NTM: variants seen among roughly 807,000 people sequenced by gnomAD.
The protein encoded by NTM is IgLON family member 2.
NTM carries 13 observed loss-of-function variants against 42.1 expected under a neutral mutation model. That is an observed-to-expected ratio of 0.31 (90% confidence interval 0.20 to 0.49). The LOEUF is 0.49. Ranked by LOEUF, NTM falls within the 20% of genes least tolerant of loss-of-function variation. NTM has a pLI of 0.99. For missense variants in NTM, 373 were observed against 452.8 expected (o/e 0.82, Z 1.60); for synonymous variants, 187 against 179.2 (o/e 1.04, Z -0.35).
intron 2 of NTM, among the ~76,000 whole-genome samples, chr11:132,008,866 C>CT (rs538607736): frequency 0.055 from 7,540 of 137,624 alleles, 251 homozygotes; most frequent in Non-Finnish European, 0.08. Context: ...TCCTTGTTTT[C>CT]TTTTTTTTTT....
intron 1 of NTM, among the ~76,000 whole-genome samples, chr11:131,378,698 T>A (rs1942276312): frequency 2.6e-5 from 4 of 152,202 alleles, no homozygotes; most frequent in East Asian, 3.9e-4. Context: ...TGATTGAGGG[T>A]CAAAAAGGAA....
intron 1 of NTM, among the ~76,000 whole-genome samples, chr11:131,637,008 G>C (rs2064484872): frequency 6.6e-6 from 1 of 152,100 alleles, no homozygotes; most frequent in Non-Finnish European, 1.5e-5. Flanking sequence ...TGCCCTTAAA[G>C]CTGGTTCTTT....
At chr11:131,968,892 G>A (rs1041376014) in intron 2 of NTM, among the ~76,000 whole-genome samples, 4 of 151,898 alleles carry the variant, frequency 2.6e-5, no homozygotes, top group African/African-American at 9.7e-5. Flanking sequence ...CTGCACTTTG[G>A]GCCAACTGAA....
intron 8 of NTM, 45 bp from the exon 9 acceptor site, chr11:132,335,001 C>A: frequency 6.3e-7 from 1 of 1,594,948 alleles, no homozygotes. Flanking sequence ...GGCTTTCCTT[C>A]CATTTTCTCC....
intron 1 of NTM, among the ~76,000 whole-genome samples, chr11:131,658,917 A>G (rs957399429): frequency 3.9e-5 from 6 of 152,186 alleles, no homozygotes; most frequent in African/African-American, 1.4e-4. Context: ...GTTGGCAGTG[A>G]GCTGATATCG....
chr11:132,060,131 A>G (rs1005093314), intron 2 of NTM, among the ~76,000 whole-genome samples: 7 of 152,228 alleles, frequency 4.6e-5, no homozygotes, highest in African/African-American at 1.7e-4. Flanking sequence ...TCTTCAGGCC[A>G]AAACCCAGGC....
At chr11:131,937,753 A>G (rs185306339) in intron 2 of NTM, among the ~76,000 whole-genome samples, 47 of 152,326 alleles carry the variant, frequency 3.1e-4, no homozygotes, top group African/African-American at 1.1e-3. Context: ...AGAAATTTAC[A>G]TAGTTTTCCA....
intron 1 of NTM, among the ~76,000 whole-genome samples, chr11:131,476,828 G>A (rs1434827601): frequency 6.7e-6 from 1 of 148,948 alleles, no homozygotes; most frequent in Non-Finnish European, 1.5e-5. Flanking sequence ...TATCTCAGGG[G>A]CTAAATACTA....
chr11:131,589,297 C>T (rs1012746477), intron 1 of NTM, among the ~76,000 whole-genome samples: 1 of 151,860 alleles, frequency 6.6e-6, no homozygotes, highest in African/African-American at 2.4e-5. Flanking sequence ...TGAATTTAAG[C>T]AGGGCTTTTT....
intron 3 of NTM, among the ~76,000 whole-genome samples, chr11:132,171,597 C>T (rs73038228): frequency 8.5e-4 from 130 of 152,256 alleles, no homozygotes; most frequent in Non-Finnish European, 1.6e-3. Flanking sequence ...TTTAGGATGT[C>T]GATATATGAC....
intron 1 of NTM, among the ~76,000 whole-genome samples, chr11:131,611,352 G>A (rs138556685): frequency 2.0e-4 from 31 of 152,286 alleles, no homozygotes; most frequent in Middle Eastern, 3.4e-3. Flanking sequence ...TAACACCTTG[G>A]ATCTGTGCAG....
intron 2 of NTM, among the ~76,000 whole-genome samples, chr11:132,097,542 C>A (rs2061157703): frequency 6.6e-6 from 1 of 152,192 alleles, no homozygotes; most frequent in South Asian, 2.1e-4. Context: ...AAAACAAAGT[C>A]TATGGGTTTC....
chr11:132,263,317 C>T (rs112901014), intron 4 of NTM, among the ~76,000 whole-genome samples: 27 of 152,288 alleles, frequency 1.8e-4, no homozygotes, highest in African/African-American at 6.0e-4. Context: ...TTTTTTGGGT[C>T]GTTCTTCCCT....
intron 1 of NTM, among the ~76,000 whole-genome samples, chr11:131,758,974 C>A (rs1478918822): frequency 6.6e-6 from 1 of 152,160 alleles, no homozygotes; most frequent in Non-Finnish European, 1.5e-5. Flanking sequence ...GTGGGTCACC[C>A]ATTTTTACTA....
intron 1 of NTM, among the ~76,000 whole-genome samples, chr11:131,611,782 A>C (rs962667638): frequency 6.6e-6 from 1 of 152,204 alleles, no homozygotes; most frequent in African/African-American, 2.4e-5. Context: ...AAACATGTCA[A>C]CCAAGGTGGG....
At position 131,786,586 on chromosome 11, in the gene NTM, T is replaced by A. The variant is rs1315936065; in HGVS notation, c.83-124978T>A. ...GTAAAATACAGAAGCTGTAGGGAAT[T>A]TTTTTTAAAATAGTAAAACCCAGTG... is the stretch of plus-strand genomic sequence containing the variant. On this transcript the variant is annotated intron_variant, in intron 1 of 8. Transcript: ENST00000683400. Among the ~76,000 whole-genome samples the A allele has an allele frequency of 3.9e-5, 6 of 152,172 alleles. No individual in the cohort carries two copies. The East Asian group carries it at 1.2e-3, about 29-fold the overall frequency.
chr11:131,572,120 G>T (rs2057494477), intron 1 of NTM, among the ~76,000 whole-genome samples: 1 of 152,176 alleles, frequency 6.6e-6, no homozygotes, highest in Non-Finnish European at 1.5e-5. Flanking sequence ...GGGTCAGTGT[G>T]TAGCCGGGTG....
At chr11:131,374,639 C>A (rs1941720634) in intron 1 of NTM, among the ~76,000 whole-genome samples, 1 of 152,128 alleles carries the variant, frequency 6.6e-6, no homozygotes, top group Non-Finnish European at 1.5e-5. Context: ...TGCCTCCTGG[C>A]AGTTCCCTGG....
intron 2 of NTM, among the ~76,000 whole-genome samples, chr11:132,075,172 C>T (rs1164929297): frequency 6.6e-6 from 1 of 151,990 alleles, no homozygotes; most frequent in African/African-American, 2.4e-5. Flanking sequence ...ATGATGGTCA[C>T]CAGGGGCTGG....
Sources: allele counts gnomAD v4.1 joint callset (sites outside exome capture counted in the v4.1 genomes callset), GRCh38; gene constraint gnomAD v4.1.1; transcripts MANE v1.5; gene names NCBI Gene and HGNC (gene_info 2026-07-23, HGNC 2026-07-21).